The following TTC9 variants were observed in gnomAD, a reference collection of about 807,000 sequenced individuals.
TTC9 encodes the protein tetratricopeptide repeat domain 9, also known as tetratricopeptide repeat protein 9A.
TTC9 carries 13 observed loss-of-function variants against 22.9 expected under a neutral mutation model. That is an observed-to-expected ratio of 0.57 (90% CI 0.37 to 0.90). The LOEUF (loss-of-function observed/expected upper bound fraction) is 0.90. Ranked by LOEUF, TTC9 falls within the 40% of genes least tolerant of loss-of-function variation. The pLI is 0.01. For synonymous variants in TTC9, 148 were observed against 133.2 expected (o/e 1.11, Z -0.77); for missense variants, 280 against 291.8 (o/e 0.96, Z 0.29).
chr14:70,669,742 A>C (rs1886266238), intron 2 of TTC9, among the ~76,000 whole-genome samples: 1 of 152,182 alleles, frequency 6.6e-6, no homozygotes, highest in South Asian at 2.1e-4. Flanking sequence ...AACTGTAAGC[A>C]GCTTGAAGAC....
intron 1 of TTC9, among the ~76,000 whole-genome samples, chr14:70,656,910 C>T (rs1249428911): frequency 1.3e-5 from 2 of 152,212 alleles, no homozygotes; most frequent in African/African-American, 4.8e-5. Flanking sequence ...TGCCTTCTCC[C>T]TCTCTGTCTA....
intron 1 of TTC9, among the ~76,000 whole-genome samples, chr14:70,665,902 C>A (rs1384722719): frequency 6.6e-6 from 1 of 152,132 alleles, no homozygotes; most frequent in Non-Finnish European, 1.5e-5. Flanking sequence ...AAAGAAGGAA[C>A]AGAGCATCAG....
chr14:70,652,782 C>G (rs752920560), intron 1 of TTC9, among the ~76,000 whole-genome samples: 67 of 152,206 alleles, frequency 4.4e-4, no homozygotes, highest in Non-Finnish European at 1.6e-4. Context: ...GCACTCCTTT[C>G]TCTAATGGAT....
At chr14:70,654,037 C>A (rs1257643189) in intron 1 of TTC9, among the ~76,000 whole-genome samples, 1 of 152,096 alleles carries the variant, frequency 6.6e-6, no homozygotes, top group Non-Finnish European at 1.5e-5. Context: ...TGAAGAAAGT[C>A]CTTGGCTTAA....
chr14:70,645,047 G>C (rs1456228497), intron 1 of TTC9, among the ~76,000 whole-genome samples: 1 of 152,128 alleles, frequency 6.6e-6, no homozygotes, highest in Non-Finnish European at 1.5e-5. Context: ...GGGAGGCGGA[G>C]CTTGCAGTGA....
chr14:70,655,768 C>T (rs1224161300), intron 1 of TTC9, among the ~76,000 whole-genome samples: 8 of 152,166 alleles, frequency 5.3e-5, no homozygotes, highest in African/African-American at 1.9e-4. Context: ...TGTATAATTT[C>T]ACTAGACTTT....
rs1422695647 is a variant in TTC9, at chr14:70,674,472, CTT to C, written c.*3319_*3320del. The C allele has an allele frequency of 6.6e-6, 1 of 152,156 alleles. No individual in the cohort carries two copies. Among genetic ancestry groups the C allele is most frequent in the Non-Finnish European group, 1.5e-5 (1 of 68,032 alleles). 9.4% of individuals were successfully genotyped at this position (152,156 alleles called of 1,614,324 possible). On this transcript the variant is annotated 3_prime_UTR_variant, in exon 3 of 3. Transcript: ENST00000256367. Reference sequence around the variant, plus strand: ...AAAAACTGGATACACTGAATATACTCTTTAATAACTTTTCAAGTGTGTATTTA... The same window carrying C: ...AAAAACTGGATACACTGAATATACTCTAATAACTTTTCAAGTGTGTATTTA...
intron 1 of TTC9, among the ~76,000 whole-genome samples, chr14:70,659,161 C>CACACACACACACACACACAT (rs1886110956): frequency 6.6e-6 from 1 of 151,968 alleles, no homozygotes; most frequent in East Asian, 1.9e-4. Context: ...CACACACACA[C>CACACACACACACACACACAT]ATACTGGGTA....
At chr14:70,646,616 G>C (rs895860400) in intron 1 of TTC9, among the ~76,000 whole-genome samples, 1 of 152,218 alleles carries the variant, frequency 6.6e-6, no homozygotes, top group Non-Finnish European at 1.5e-5. Context: ...TGAAGGCTAG[G>C]AGCTTGTGCC....
chr14:70,670,960 T>C, intron 2 of TTC9, 116 bp from the exon 3 acceptor site: 1 of 921,682 alleles, frequency 1.1e-6, no homozygotes. Context: ...AGAAGGGACC[T>C]TGGTTGAGTG....
intron 1 of TTC9, among the ~76,000 whole-genome samples, chr14:70,646,571 T>C (rs1885904723): frequency 6.6e-6 from 1 of 152,140 alleles, no homozygotes; most frequent in Admixed American, 6.5e-5. Context: ...ATGCCAGCAG[T>C]AGAGATGGAA....
In TTC9 at chr14:70,674,791, G is replaced by T. The variant is rs1313726428; in HGVS notation, c.*3636G>T. 1 of 152,106 alleles carries T rather than the reference G, an allele frequency of 6.6e-6. No homozygotes were observed. Among genetic ancestry groups the T allele is most frequent in the Non-Finnish European group, 1.5e-5 (1 of 68,024 alleles). 9.4% of individuals were successfully genotyped at this position (152,106 alleles called of 1,614,324 possible). On this transcript the variant is annotated 3_prime_UTR_variant, in exon 3 of 3. Coordinates refer to ENST00000256367, the MANE Select transcript of TTC9 (RefSeq NM_015351.2). ...AAACTTTCTCAACAGCATCTTCATTGTATGGATGGACCCTTTTTTTATCAT... is the reference window on the plus strand; with the variant it reads ...AAACTTTCTCAACAGCATCTTCATTTTATGGATGGACCCTTTTTTTATCAT...
intron 1 of TTC9, among the ~76,000 whole-genome samples, chr14:70,664,304 A>T (rs935959711): frequency 1.3e-5 from 2 of 151,130 alleles, no homozygotes; most frequent in East Asian, 3.9e-4. Context: ...TACCTATCCC[A>T]TGGGCTTACT....
chr14:70,666,267 C>T (rs1018207637), intron 1 of TTC9, among the ~76,000 whole-genome samples: 1 of 152,158 alleles, frequency 6.6e-6, no homozygotes, highest in African/African-American at 2.4e-5. Context: ...CTCAAAGGGA[C>T]ATGGTTTACT....
At chr14:70,669,294 T>C (rs1480262750) in intron 2 of TTC9, among the ~76,000 whole-genome samples, 1 of 152,058 alleles carries the variant, frequency 6.6e-6, no homozygotes, top group Non-Finnish European at 1.5e-5. Flanking sequence ...AATTTTTCTT[T>C]TTTCAGACAG....
Position 70,671,128 on chromosome 14 carries a change from C to G in TTC9, c.642C>G (p.Cys214Trp), listed in dbSNP as rs753439824. 3 of 1,613,780 alleles carry G rather than the reference C, an allele frequency of 1.9e-6. No homozygotes were observed. Among genetic ancestry groups the G allele is most frequent in the Non-Finnish European group, 2.5e-6 (3 of 1,179,776 alleles). Reference protein sequence around the residue: ...IQLTEMKLSRCSQREKEAM With the variant: ...IQLTEMKLSRWSQREKEAM ...TGACGGAGATGAAACTCAGCCGATG[C>G]TCCCAGAGAGAAAAAGAAGCCATGT... The change falls in exon 3 of 3, where the codon TGC becomes TGG. Residue 214 changes from cysteine (C) to tryptophan (W), a missense_variant. Physicochemically the swap from Cys to Trp is radical, Grantham distance 215. Coordinates refer to ENST00000256367, the MANE Select transcript of TTC9 (RefSeq NM_015351.2).
intron 1 of TTC9, 72 bp downstream of exon 1, chr14:70,642,607 G>C (rs1448078780): frequency 2.9e-6 from 4 of 1,391,150 alleles, no homozygotes; most frequent in Non-Finnish European, 3.8e-6. Flanking sequence ...CCACTGCGGC[G>C]CTCCCGCGGT....
chr14:70,653,906 G>A (rs979169849), intron 1 of TTC9, among the ~76,000 whole-genome samples: 1 of 152,220 alleles, frequency 6.6e-6, no homozygotes, highest in African/African-American at 2.4e-5. Flanking sequence ...GGATGGCAGA[G>A]GCTCATAGAA....
intron 1 of TTC9, among the ~76,000 whole-genome samples, chr14:70,649,534 G>T (rs1325551109): frequency 1.3e-5 from 2 of 152,132 alleles, no homozygotes; most frequent in African/African-American, 4.8e-5. Context: ...GTCACATAGT[G>T]GTATATGGCA....
Sources: allele counts gnomAD v4.1 joint callset (sites outside exome capture counted in the v4.1 genomes callset), GRCh38; gene constraint gnomAD v4.1.1; transcripts MANE v1.5; gene names NCBI Gene and HGNC (gene_info 2026-07-23, HGNC 2026-07-21).